Variants in NSMAF observed in about 807,000 individuals in gnomAD.
NSMAF encodes protein FAN.
A neutral mutation model predicts 134.9 loss-of-function variants in NSMAF; 90 were observed. That is an observed-to-expected ratio of 0.67 (90% confidence interval 0.56 to 0.79). The LOEUF is 0.79. Ranked by LOEUF, NSMAF falls within the 30% of genes least tolerant of loss-of-function variation. NSMAF has a pLI of 0.00. For missense variants in NSMAF, 1,010 were observed against 1,119.0 expected (o/e 0.90, Z 1.39); for synonymous variants, 358 against 389.6 (o/e 0.92, Z 0.96).
At chr8:58,630,515 G>A (rs973827591) in intron 6 of NSMAF, among the ~76,000 whole-genome samples, 1 of 151,994 alleles carries the variant, frequency 6.6e-6, no homozygotes, top group South Asian at 2.1e-4. Flanking sequence ...TCTCAACTTG[G>A]GGGTAGGGTT....
intron 5 of NSMAF, among the ~76,000 whole-genome samples, chr8:58,632,823 T>C (rs1235552055): frequency 6.6e-6 from 1 of 152,190 alleles, no homozygotes; most frequent in Non-Finnish European, 1.5e-5. Context: ...ACATCCTACT[T>C]GAAGCCTGCT....
At chr8:58,600,548 G>A (rs560199137) in intron 16 of NSMAF, among the ~76,000 whole-genome samples, 53 of 150,382 alleles carry the variant, frequency 3.5e-4, no homozygotes, top group Non-Finnish European at 6.2e-4. Flanking sequence ...GCTTGAACCC[G>A]AGGCGGAGGT....
intron 23 of NSMAF, 109 bp from the exon 24 acceptor site, chr8:58,591,043 T>C (rs1806010394): frequency 7.9e-7 from 1 of 1,268,116 alleles, no homozygotes; most frequent in South Asian, 1.5e-5. Context: ...CACTTTATAC[T>C]CCAAAGTATA....
chr8:58,655,521 T>C (rs894546874), intron 1 of NSMAF, among the ~76,000 whole-genome samples: 9 of 152,016 alleles, frequency 5.9e-5, no homozygotes, highest in Non-Finnish European at 1.0e-4. Flanking sequence ...CACCTTTTAA[T>C]ATATTTCATA....
chr8:58,619,926 A>C (rs1042803880), intron 9 of NSMAF, among the ~76,000 whole-genome samples: 1 of 152,208 alleles, frequency 6.6e-6, no homozygotes, highest in Non-Finnish European at 1.5e-5. Flanking sequence ...AAAAAGGAAA[A>C]TAAGGTCTGG....
intron 16 of NSMAF, chr8:58,600,272 C>T: frequency 2.1e-6 from 1 of 475,720 alleles, no homozygotes; most frequent in African/African-American, 2.0e-5. Context: ...CCATTAGCTA[C>T]CATATACACA....
At chr8:58,625,448 C>T (rs543661404) in intron 6 of NSMAF, among the ~76,000 whole-genome samples, 1 of 134,942 alleles carries the variant, frequency 7.4e-6, no homozygotes, top group East Asian at 2.2e-4. Flanking sequence ...ACACACACAT[C>T]CTATTGGTTC....
intron 5 of NSMAF, among the ~76,000 whole-genome samples, chr8:58,634,864 T>C (rs891132488): frequency 1.3e-5 from 2 of 152,166 alleles, no homozygotes; most frequent in African/African-American, 4.8e-5. Flanking sequence ...ATCATTTAAG[T>C]GGCATGGCAA....
At chr8:58,639,023 G>A (rs780443200) in intron 2 of NSMAF, among the ~76,000 whole-genome samples, 2 of 152,148 alleles carry the variant, frequency 1.3e-5, no homozygotes, top group East Asian at 3.9e-4. Flanking sequence ...GGTGGCTCAC[G>A]CCTGTAATCC....
chr8:58,590,809 G>T, intron 24 of NSMAF, 58 bp downstream of exon 24: 1 of 1,466,486 alleles, frequency 6.8e-7, no homozygotes, highest in Non-Finnish European at 9.4e-7. Flanking sequence ...TTGTATGGGT[G>T]TGTATAAAAC....
chr8:58,646,719 C>T (rs143400607), intron 1 of NSMAF, among the ~76,000 whole-genome samples: 254 of 151,934 alleles, frequency 1.7e-3, no homozygotes, highest in African/African-American at 5.5e-3. Flanking sequence ...CTACATTTTA[C>T]GGAGTAAAAG....
chr8:58,592,989 T>C (rs1806053290), intron 23 of NSMAF, among the ~76,000 whole-genome samples: 1 of 151,964 alleles, frequency 6.6e-6, no homozygotes, highest in African/African-American at 2.4e-5. Context: ...TAAGCCTCAG[T>C]GGTTTGAAGC....
At position 58,586,516 on chromosome 8, in the gene NSMAF, G is replaced by T; in HGVS notation, c.2388C>A (p.Thr796=). The T allele has an allele frequency of 6.2e-7, 1 of 1,613,438 alleles. No individual in the cohort carries two copies. The highest frequency in any genetic ancestry group is 1.1e-5 in the South Asian group (1 of 91,086). The change falls in exon 28 of 31, where the codon ACC becomes ACA. Residue 796 remains threonine, a synonymous_variant. Transcript: ENST00000038176. The part of the protein sequence containing the change: ...TVNIWDLTTA[T]LMHQIPCHSG... ...AATGGCATGGAATCTGGTGCATTAA[G>T]GTGGCCGTTGTGAGGTCCCAAATAT...
At chr8:58,621,181 T>A (rs577073255) in intron 9 of NSMAF, among the ~76,000 whole-genome samples, 1 of 152,208 alleles carries the variant, frequency 6.6e-6, no homozygotes, top group Non-Finnish European at 1.5e-5. Context: ...TTCCTACTTA[T>A]AAGTGAGAAC....
At chr8:58,600,621 C>CA (rs35209612) in intron 16 of NSMAF, among the ~76,000 whole-genome samples, 1,403 of 44,472 alleles carry the variant, frequency 0.032, 193 homozygotes, top group African/African-American at 0.08. Flanking sequence ...GACTCTGTCT[C>CA]AAAAAAAAAA....
chr8:58,585,332 C>CT lies in NSMAF; in HGVS notation c.2659+319dup, dbSNP rs1018299647. Among the ~76,000 whole-genome samples, 49 of 139,264 alleles carry CT rather than the reference C, an allele frequency of 3.5e-4. 1 individual carries two copies. The highest frequency in any genetic ancestry group is 6.1e-4 in the Non-Finnish European group (40 of 65,676). 91.4% of individuals were successfully genotyped at this position (139,264 alleles called of 152,430 possible). Reference sequence around the variant, plus strand: ...TTGTTTCTGGGTTTTTTTTTTTTCTCTTTTTTTACTATTCTAAAAATTTAA... The same window carrying CT: ...TTGTTTCTGGGTTTTTTTTTTTTCTCTTTTTTTTACTATTCTAAAAATTTAA... On this transcript the variant is annotated intron_variant, in intron 30 of 30. Coordinates refer to ENST00000038176, the MANE Select transcript of NSMAF (RefSeq NM_003580.4).
intron 9 of NSMAF, among the ~76,000 whole-genome samples, chr8:58,620,363 C>G (rs538723315): frequency 6.6e-6 from 1 of 152,110 alleles, no homozygotes; most frequent in South Asian, 2.1e-4. Flanking sequence ...ACAGAAACTG[C>G]AGGCAATGCA....
chr8:58,629,868 C>G (rs527656137), intron 6 of NSMAF, among the ~76,000 whole-genome samples: 1 of 152,326 alleles, frequency 6.6e-6, no homozygotes, highest in South Asian at 2.1e-4. Context: ...TGCTGTACCA[C>G]AGGTCCTTTG....
At chr8:58,586,284 A>G (rs1430310553) in intron 28 of NSMAF, 174 bp downstream of exon 28, 7 of 654,108 alleles carry the variant, frequency 1.1e-5, no homozygotes, top group Non-Finnish European at 1.6e-5. Flanking sequence ...TACAAATGCC[A>G]CAAGTATACT....
Sources: allele counts gnomAD v4.1 joint callset (sites outside exome capture counted in the v4.1 genomes callset), GRCh38; gene constraint gnomAD v4.1.1; transcripts MANE v1.5; gene names NCBI Gene and HGNC (gene_info 2026-07-23, HGNC 2026-07-21).